SPNS2: variants seen among roughly 807,000 people sequenced by gnomAD.
SPNS2 encodes the protein SPNS lysolipid transporter 2, sphingosine-1-phosphate.
In SPNS2, 37 loss-of-function variants were observed where a neutral mutation model predicts 57.6. The observed-to-expected ratio is 0.64, with a 90% confidence interval of 0.49 to 0.85. The LOEUF is 0.85. Ranked by LOEUF, SPNS2 falls within the 40% of genes least tolerant of loss-of-function variation. The pLI, the probability that SPNS2 is intolerant of heterozygous loss-of-function variation, is 0.00. For synonymous variants in SPNS2, 440 were observed against 346.9 expected (o/e 1.27, Z -2.98); for missense variants, 831 against 779.1 (o/e 1.07, Z -0.79).
Position 4,499,318 on chromosome 17 carries a change from C to T in SPNS2, c.271C>T (p.Gln91Ter), listed in dbSNP as rs1264213076. The change falls in exon 1 of 13, where the codon CAG (glutamine) becomes TAG (stop). Residue 91 changes from glutamine to a stop codon, truncating the protein, a stop_gained. Coordinates refer to ENST00000329078, the MANE Select transcript of SPNS2 (RefSeq NM_001124758.3). LOFTEE classifies it high-confidence loss of function. This position sits in a 1 kb window ranked among gnomAD's most constrained non-coding sequence, Gnocchi z 5.2. ...AATAKGPGAQQPKPASLGRGR... is the reference protein window; with the variant it reads ...AATAKGPGAQ Reference sequence around the variant, plus strand: ...TACTGCAAAGGGCCCCGGCGCTCAGCAGCCCAAACCGGCCAGCTTGGGCCG... The same window carrying T: ...TACTGCAAAGGGCCCCGGCGCTCAGTAGCCCAAACCGGCCAGCTTGGGCCG... 4.7e-6 allele frequency: 7 copies of T among 1,494,154 alleles called. No homozygotes were observed. Among genetic ancestry groups the T allele is most frequent in the Non-Finnish European group, 6.2e-6 (7 of 1,128,436 alleles). The allele number at this position is 1,494,154 out of a possible 1,614,324, so 92.6% of individuals were successfully genotyped here.
intron 2 of SPNS2, among the ~76,000 whole-genome samples, chr17:4,521,340 C>T (rs1485353906): frequency 2.0e-5 from 3 of 152,244 alleles, no homozygotes; most frequent in Admixed American, 2.0e-4. Context: ...GATCTGATCT[C>T]AGGCAGGTCC....
At chr17:4,514,929 C>G (rs778866675) in intron 2 of SPNS2, among the ~76,000 whole-genome samples, 5 of 152,214 alleles carry the variant, frequency 3.3e-5, no homozygotes, top group Non-Finnish European at 5.9e-5. Flanking sequence ...GGACCTGGCC[C>G]GAGCCTCATC....
chr17:4,506,462 G>T (rs1217254208), intron 1 of SPNS2, among the ~76,000 whole-genome samples: 1 of 152,200 alleles, frequency 6.6e-6, no homozygotes, highest in Non-Finnish European at 1.5e-5. Context: ...GCCAGGACAG[G>T]GCTGGGGAGG....
intron 3 of SPNS2, 137 bp from the exon 4 acceptor site, chr17:4,530,495 G>A (rs1392726284): frequency 3.9e-6 from 4 of 1,029,444 alleles, no homozygotes; most frequent in Non-Finnish European, 5.7e-6. Context: ...CTTTACGGAG[G>A]TGCAGCCCAC....
intron 2 of SPNS2, among the ~76,000 whole-genome samples, chr17:4,523,265 C>G (rs1217316023): frequency 1.3e-5 from 2 of 151,900 alleles, no homozygotes; most frequent in African/African-American, 4.8e-5. Flanking sequence ...TAGAGAAACC[C>G]CGTCTCTACT....
chr17:4,509,941 C>A (rs900185766), intron 1 of SPNS2, among the ~76,000 whole-genome samples: 2 of 152,192 alleles, frequency 1.3e-5, no homozygotes, highest in African/African-American at 2.4e-5. Context: ...GGGCGTGAGG[C>A]CCATCCTGTG....
At chr17:4,519,373 A>G (rs1905079952) in intron 2 of SPNS2, among the ~76,000 whole-genome samples, 1 of 151,980 alleles carries the variant, frequency 6.6e-6, no homozygotes, top group South Asian at 2.1e-4. Context: ...GCTGCCCACC[A>G]GGACACCGAG....
At chr17:4,533,876 A>C (rs1905624175) in intron 9 of SPNS2, 23 bp downstream of exon 9, 1 of 1,586,936 alleles carries the variant, frequency 6.3e-7, no homozygotes, top group Non-Finnish European at 8.6e-7. Context: ...GGCCGAGGTC[A>C]CCTTGTGCTG....
At chr17:4,534,255 G>C (rs535460692) in intron 9 of SPNS2, 4 of 266,506 alleles carry the variant, frequency 1.5e-5, no homozygotes, top group African/African-American at 4.4e-5. Context: ...GGGGCTGGGC[G>C]GACAGAGGCT....
At chr17:4,513,367 C>T (rs982465835) in intron 2 of SPNS2, 55 bp downstream of exon 2, 16 of 1,590,354 alleles carry the variant, frequency 1.0e-5, no homozygotes, top group Non-Finnish European at 1.4e-5. Context: ...GTCGTGGGTC[C>T]TGTCCTGTTG....
chr17:4,531,145 GGACACCCTCCGGTCCA>G (rs756632926), intron 5 of SPNS2, 26 bp downstream of exon 5: 3 of 1,612,030 alleles, frequency 1.9e-6, no homozygotes, highest in Non-Finnish European at 2.5e-6. Context: ...CTTCCCATGA[GGACACCCTCCGGTCCA>G]GACCTCGCCC....
chr17:4,530,905 G>A, intron 4 of SPNS2, 122 bp downstream of exon 4: 1 of 1,474,246 alleles, frequency 6.8e-7, no homozygotes, highest in Admixed American at 2.0e-5. Context: ...TAAACATGTG[G>A]GCGGTCAGCC....
rs776109852 is a variant in SPNS2, at chr17:4,531,077, C to T, written c.750C>T (p.Ser250=). ...LGSGLGYITG[S]SVKQAAGDWH... is the part of the protein sequence containing the mutation. ...GTGGCCTGGGCTACATTACTGGCTC[C>T]AGCGTGAAGCAGGCAGCCGGAGACT... The change falls in exon 5 of 13, where the codon TCC becomes TCT. Residue 250 remains serine (S), a synonymous_variant. Coordinates refer to ENST00000329078, the MANE Select transcript of SPNS2 (RefSeq NM_001124758.3). The T allele has an allele frequency of 1.2e-6, 2 of 1,614,102 alleles. No individual in the cohort carries two copies. Among genetic ancestry groups the T allele is most frequent in the East Asian group, 4.5e-5 (2 of 44,888 alleles).
rs1242732911 is a variant in SPNS2 at position 4,537,604 on chromosome 17, C to T, written c.*156C>T. ...GCCCAGGCCTGCTGAGTGGCCCTGGCATCAAGAAGAGGCTGTGTCCTCAGT... is the reference window on the plus strand; with the variant it reads ...GCCCAGGCCTGCTGAGTGGCCCTGGTATCAAGAAGAGGCTGTGTCCTCAGT... On this transcript the variant is annotated 3_prime_UTR_variant, in exon 13 of 13. Coordinates refer to ENST00000329078, the MANE Select transcript of SPNS2 (RefSeq NM_001124758.3). 1 of 456,690 alleles carries T rather than the reference C, an allele frequency of 2.2e-6. No homozygotes were observed. Among genetic ancestry groups the T allele is most frequent in the South Asian group, 1.5e-5 (1 of 64,574 alleles). 28.3% of individuals were successfully genotyped at this position (456,690 alleles called of 1,614,324 possible).
At chr17:4,507,864 A>G (rs1394349502) in intron 1 of SPNS2, among the ~76,000 whole-genome samples, 1 of 152,224 alleles carries the variant, frequency 6.6e-6, no homozygotes, top group Non-Finnish European at 1.5e-5. Flanking sequence ...GGCTGGCCTG[A>G]GCCGAGGGCT....
chr17:4,499,416 A>C lies in SPNS2; in HGVS notation c.369A>C (p.Ala123=). 7.5e-7 allele frequency: 1 copy of C among 1,327,494 alleles called. No individual in the cohort carries two copies. The highest frequency in any genetic ancestry group is 9.6e-7 in the Non-Finnish European group (1 of 1,036,492). The allele number at this position is 1,327,494 out of a possible 1,614,324, so 82.2% of individuals were successfully genotyped here. A position where few individuals can be genotyped will look rare whatever the true frequency, so the allele number is the denominator to read the frequency against. ...VLNYLDRYTV[A]GVLLDIQQHF... ...ACTACCTGGACAGGTACACCGTGGC[A>C]GGTGAGCGAGTGCCCCACCCAGCCC... The change falls in exon 1 of 13, where the codon GCA becomes GCC. Residue 123 remains alanine, a splice_region_variant and synonymous_variant. Coordinates refer to ENST00000329078, the MANE Select transcript of SPNS2 (RefSeq NM_001124758.3). This position sits in a 1 kb window ranked among gnomAD's most constrained non-coding sequence, Gnocchi z 5.2.
rs746048290 is a variant in SPNS2 at position 4,539,022 on chromosome 17, A to G, written c.*1574A>G. The G allele has an allele frequency of 7.2e-6, 6 of 836,460 alleles. No homozygotes were observed. The African/African-American group carries it at 1.0e-4, about 14-fold the overall frequency. 51.8% of individuals were successfully genotyped at this position (836,460 alleles called of 1,614,324 possible). A position where few individuals can be genotyped will look rare whatever the true frequency, so the allele number is the denominator to read the frequency against. Reference sequence around the variant, plus strand: ...ATTCCTCTTGTAAATGAAGAAATAAACCTATTTAAATCACCCCCTGGTGGC... The same window carrying G: ...ATTCCTCTTGTAAATGAAGAAATAAGCCTATTTAAATCACCCCCTGGTGGC... On this transcript the variant is annotated 3_prime_UTR_variant, in exon 13 of 13. Coordinates refer to ENST00000329078, the MANE Select transcript of SPNS2 (RefSeq NM_001124758.3).
intron 3 of SPNS2, among the ~76,000 whole-genome samples, chr17:4,529,272 G>T (rs371284362): frequency 1.3e-5 from 2 of 151,418 alleles, no homozygotes; most frequent in Non-Finnish European, 2.9e-5. Context: ...TAGAGACGAG[G>T]TCTCACTATG....
Position 4,536,892 on chromosome 17 carries a change from TC to T in SPNS2, c.1608-3del. 1 of 1,612,598 alleles carries T rather than the reference TC, an allele frequency of 6.2e-7. No homozygotes were observed. The highest frequency in any genetic ancestry group is 1.1e-5 in the South Asian group (1 of 91,026). On this transcript the variant is annotated splice_polypyrimidine_tract_variant and splice_region_variant and intron_variant, in intron 11 of 12. Transcript: ENST00000329078. ...CACCACCCTGACCCCCGCCCGTCTC[TC>T]CCCCAGGGTGAACCAGCTGGCGATG...
Sources: allele counts gnomAD v4.1 joint callset (sites outside exome capture counted in the v4.1 genomes callset), GRCh38; gene constraint gnomAD v4.1.1; non-coding constraint Gnocchi (gnomAD v3.1); transcripts MANE v1.5; gene names NCBI Gene and HGNC (gene_info 2026-07-23, HGNC 2026-07-21).